Variants in PDZRN4 observed in about 807,000 individuals in gnomAD.
PDZRN4 encodes PDZ domain-containing RING finger protein 4.
A neutral mutation model predicts 99.0 loss-of-function variants in PDZRN4; 70 were observed. That is an observed-to-expected ratio of 0.71 (90% CI 0.58 to 0.86). The LOEUF is 0.86. Among genes scored for constraint, PDZRN4 ranks in the 40% least tolerant of loss-of-function variants. The pLI, the probability that PDZRN4 is intolerant of heterozygous loss-of-function variation, is 0.00. For synonymous variants in PDZRN4, 551 were observed against 501.6 expected (o/e 1.10, Z -1.32); for missense variants, 1,474 against 1,331.2 (o/e 1.11, Z -1.67).
At chr12:41,441,314 T>C (rs1256464772) in intron 3 of PDZRN4, among the ~76,000 whole-genome samples, 3 of 152,158 alleles carry the variant, frequency 2.0e-5, no homozygotes, top group Non-Finnish European at 4.4e-5. Context: ...TCTCAGACAA[T>C]GTCACTGCTG....
chr12:41,567,945 C>CT (rs1306035280), intron 9 of PDZRN4, 46 bp downstream of exon 9: 5 of 1,095,564 alleles, frequency 4.6e-6, no homozygotes, highest in South Asian at 1.5e-5. Context: ...GTTGCTTGTT[C>CT]TTTTTTTAAT....
chr12:41,529,060 T>C (rs1335305289), intron 5 of PDZRN4, among the ~76,000 whole-genome samples: 2 of 152,192 alleles, frequency 1.3e-5, no homozygotes, highest in Non-Finnish European at 2.9e-5. Flanking sequence ...CCATTGCCCA[T>C]TACAGAAGTA....
In PDZRN4 at chr12:41,236,778, C is replaced by T. The variant is rs545283453; in HGVS notation, c.843+42590C>T. Among the ~76,000 whole-genome samples the T allele has an allele frequency of 8.5e-5, 13 of 152,130 alleles. No homozygotes were observed. In the East Asian group the frequency reaches 2.5e-3, roughly 29 times the overall value. On this transcript the variant is annotated intron_variant, in intron 3 of 9. Coordinates refer to ENST00000402685, the MANE Select transcript of PDZRN4 (RefSeq NM_001164595.2). ...TTTTCTTCCCACTTTATTAGCTCAC[C>T]ATTCTTTCTGAATTTCAGCACAATC...
intron 3 of PDZRN4, among the ~76,000 whole-genome samples, chr12:41,272,907 G>T (rs535616932): frequency 6.6e-6 from 1 of 151,840 alleles, no homozygotes; most frequent in South Asian, 2.1e-4. Context: ...AGATGCTGTT[G>T]GTTGTAACTC....
chr12:41,406,192 A>G (rs911170877), intron 3 of PDZRN4, among the ~76,000 whole-genome samples: 1 of 152,210 alleles, frequency 6.6e-6, no homozygotes, highest in Non-Finnish European at 1.5e-5. Flanking sequence ...AAAGACTAAA[A>G]TACAAGTACT....
chr12:41,571,376 T>TCA (rs147910134), intron 9 of PDZRN4, among the ~76,000 whole-genome samples: 1,825 of 65,488 alleles, frequency 0.028, 30 homozygotes, highest in Middle Eastern at 0.065. Flanking sequence ...TCTCTCTCTC[T>TCA]CACACACACA....
At chr12:41,430,453 G>A (rs1952578203) in intron 3 of PDZRN4, among the ~76,000 whole-genome samples, 1 of 150,418 alleles carries the variant, frequency 6.6e-6, no homozygotes, top group South Asian at 2.1e-4. Flanking sequence ...CGGTGACAGA[G>A]CGAGACTCCA....
intron 3 of PDZRN4, among the ~76,000 whole-genome samples, chr12:41,383,212 T>A (rs968090364): frequency 6.6e-6 from 1 of 152,164 alleles, no homozygotes; most frequent in Non-Finnish European, 1.5e-5. Context: ...TAATTTGGAA[T>A]TTTGGAGCAC....
At chr12:41,340,131 T>C (rs1951805648) in intron 3 of PDZRN4, among the ~76,000 whole-genome samples, 1 of 152,102 alleles carries the variant, frequency 6.6e-6, no homozygotes, top group Non-Finnish European at 1.5e-5. Flanking sequence ...CACTCCTGTG[T>C]TTACTGCAGT....
At position 41,386,848 on chromosome 12, in the gene PDZRN4, A is replaced by G. The variant is rs181200878; in HGVS notation, c.844-119608A>G. The stretch of plus-strand genomic sequence containing the variant: ...CACCTACAACTATCTGATCTTCATC[A>G]AACCTAACAAAAACAAGCAATGGGG... On this transcript the variant is annotated intron_variant, in intron 3 of 9. Transcript: ENST00000402685. Among the ~76,000 whole-genome samples the G allele has an allele frequency of 5.3e-4, 80 of 152,332 alleles. 1 individual carries two copies. The highest frequency in any genetic ancestry group is 1.4e-3 in the African/African-American group (58 of 41,574).
At chr12:41,421,945 A>T (rs1427131412) in intron 3 of PDZRN4, among the ~76,000 whole-genome samples, 3 of 152,216 alleles carry the variant, frequency 2.0e-5, no homozygotes, top group Non-Finnish European at 4.4e-5. Context: ...TTGGAGCTCT[A>T]CTGATAATTC....
At chr12:41,470,663 C>T (rs1371513736) in intron 3 of PDZRN4, among the ~76,000 whole-genome samples, 1 of 152,184 alleles carries the variant, frequency 6.6e-6, no homozygotes, top group African/African-American at 2.4e-5. Flanking sequence ...CCCGCCACCC[C>T]ACAACCGTCC....
At chr12:41,383,473 G>A (rs1952141288) in intron 3 of PDZRN4, among the ~76,000 whole-genome samples, 2 of 152,160 alleles carry the variant, frequency 1.3e-5, no homozygotes, top group Admixed American at 1.3e-4. Context: ...ACATTCATAA[G>A]CACCAAGTCA....
At chr12:41,333,246 G>A (rs1329770822) in intron 3 of PDZRN4, among the ~76,000 whole-genome samples, 1 of 152,094 alleles carries the variant, frequency 6.6e-6, no homozygotes, top group African/African-American at 2.4e-5. Flanking sequence ...GTGGGTCTCT[G>A]GCATTTATGC....
At chr12:41,468,999 A>G (rs1360089810) in intron 3 of PDZRN4, among the ~76,000 whole-genome samples, 1 of 128,214 alleles carries the variant, frequency 7.8e-6, no homozygotes, top group Non-Finnish European at 1.6e-5. Context: ...ACAGAGCAAG[A>G]TTCTGTCTCA....
chr12:41,271,945 T>C (rs1412110087), intron 3 of PDZRN4, among the ~76,000 whole-genome samples: 1 of 152,092 alleles, frequency 6.6e-6, no homozygotes, highest in Non-Finnish European at 1.5e-5. Flanking sequence ...AAGATCTTTA[T>C]ATTTCAATAC....
intron 3 of PDZRN4, among the ~76,000 whole-genome samples, chr12:41,242,254 C>A (rs1232602471): frequency 6.6e-6 from 1 of 152,134 alleles, no homozygotes; most frequent in Non-Finnish European, 1.5e-5. Context: ...CATACTGATA[C>A]CTACTTTCTA....
At chr12:41,345,816 T>A (rs73272682) in intron 3 of PDZRN4, among the ~76,000 whole-genome samples, 1,863 of 152,256 alleles carry the variant, frequency 0.012, 41 homozygotes, top group African/African-American at 0.041. Flanking sequence ...AAAGATAAAC[T>A]TCTGCAAATG....
At chr12:41,437,995 G>A (rs1292299968) in intron 3 of PDZRN4, 1 of 1,614,116 alleles carries the variant, frequency 6.2e-7, no homozygotes, top group East Asian at 2.2e-5. Context: ...ACTACAAACT[G>A]CTGTATGAAG....
Sources: gnomAD v4.1 joint callset for allele counts (sites outside exome capture counted in the v4.1 genomes callset) on GRCh38, gnomAD v4.1.1 for gene constraint, MANE v1.5 for transcripts, NCBI Gene and HGNC (gene_info 2026-07-23, HGNC 2026-07-21) for gene names.